DMD: variants seen among roughly 807,000 people sequenced by gnomAD.
DMD encodes dystrophin.
Under a neutral mutation model 330.1 loss-of-function variants are expected in DMD, and 63 were observed. That is an observed-to-expected ratio of 0.19 (90% CI 0.16 to 0.24). DMD has a LOEUF of 0.24. Among genes scored for constraint, DMD ranks in the 10% least tolerant of loss-of-function variants. DMD has a pLI of 1.00. For synonymous variants in DMD, 1,223 were observed against 959.8 expected, an observed-to-expected ratio of 1.27 and a Z score of -5.07; for missense variants, 3,344 against 2,684.1, an observed-to-expected ratio of 1.25 and a Z score of -5.43.
In DMD at chrX:31,443,573, G is replaced by A. The variant is rs558303352; in HGVS notation, c.9084+908C>T. Among the ~76,000 whole-genome samples the A allele has an allele frequency of 9.1e-5, 10 of 109,455 alleles. No homozygotes were observed. In the South Asian group the frequency reaches 4.1e-3, roughly 45 times the overall value. On this transcript the variant is annotated intron_variant, in intron 60 of 78. Transcript: ENST00000357033. ...TTTTTTTTTTTGATGAAAGACTGAG[G>A]CTCAGAAAGGTTAAGTAATTTGCTC...
At chrX:32,721,326 C>G (rs747032642) in intron 7 of DMD, among the ~76,000 whole-genome samples, 1 of 110,465 alleles carries the variant, frequency 9.1e-6, no homozygotes, top group Non-Finnish European at 1.9e-5. Flanking sequence ...CCGACACCAG[C>G]AGTATGTCAG....
intron 55 of DMD, among the ~76,000 whole-genome samples, chrX:31,541,939 A>G (rs774344423): frequency 1.8e-5 from 2 of 112,071 alleles, no homozygotes; most frequent in Non-Finnish European, 3.8e-5. Flanking sequence ...TTGATTACAT[A>G]TTGAAATAAT....
At chrX:32,897,986 T>C (rs977012944) in intron 2 of DMD, among the ~76,000 whole-genome samples, 9 of 111,525 alleles carry the variant, frequency 8.1e-5, no homozygotes, top group African/African-American at 2.9e-4. Flanking sequence ...TTTTTAAGAG[T>C]TTTTTCCACC....
chrX:32,537,652 G>C (rs2048110382), intron 17 of DMD, among the ~76,000 whole-genome samples: 1 of 111,671 alleles, frequency 9.0e-6, no homozygotes, highest in Admixed American at 9.5e-5. Flanking sequence ...GAGTATGAGA[G>C]GGTAAAGGAA....
chrX:31,871,257 T>C (rs746878920), intron 48 of DMD, among the ~76,000 whole-genome samples: 368 of 111,159 alleles, frequency 3.3e-3, no homozygotes, highest in Non-Finnish European at 5.9e-3. Context: ...TTCTGTGAGG[T>C]GATTTTCAAG....
chrX:32,374,255 A>G (rs2097892142), intron 34 of DMD, among the ~76,000 whole-genome samples: 2 of 111,107 alleles, frequency 1.8e-5, no homozygotes, highest in African/African-American at 6.5e-5. Context: ...TCAGGAGGTT[A>G]TCTGTTTACT....
chrX:32,253,684 C>T (rs1159554521), intron 43 of DMD, among the ~76,000 whole-genome samples: 5 of 103,996 alleles, frequency 4.8e-5, no homozygotes, highest in Admixed American at 1.1e-4. Flanking sequence ...AGTGCAGTGG[C>T]GTGATCTTGG....
chrX:31,611,474 T>C (rs1198855035), intron 55 of DMD, among the ~76,000 whole-genome samples: 1 of 111,774 alleles, frequency 8.9e-6, no homozygotes, highest in African/African-American at 3.2e-5. Context: ...AGTTTTAGAG[T>C]CTGTTAGCTG....
At position 31,774,167 on chromosome X, in the gene DMD, C is replaced by T. The variant is rs1329493987; in HGVS notation, c.7335G>A (p.Val2445=). Residue 2445 remains valine (V), a synonymous_variant, in exon 51 of 79, where the codon GTG becomes GTA. Transcript: ENST00000357033. ...TTTCCTTAGTAACCACAGGTTGTGT[C>T]ACCAGAGTAACAGTCTGAGTAGGAG... ...GASPTQTVTL[V]TQPVVTKETA... 3.3e-6 allele frequency: 4 copies of T among 1,206,629 alleles called. No homozygotes were observed. The highest frequency in any genetic ancestry group is 4.5e-6 in the Non-Finnish European group (4 of 893,196).
intron 41 of DMD, among the ~76,000 whole-genome samples, chrX:32,319,220 A>G (rs558129698): frequency 9.0e-6 from 1 of 111,456 alleles, no homozygotes; most frequent in Non-Finnish European, 1.9e-5. Context: ...TGCCACCAAG[A>G]TAAGTATCAA....
At chrX:31,718,721 AC>A (rs1213312349) in intron 52 of DMD, among the ~76,000 whole-genome samples, 10 of 111,447 alleles carry the variant, frequency 9.0e-5, no homozygotes, top group Non-Finnish European at 1.7e-4. Flanking sequence ...AACCTCCAGA[AC>A]CGTGAAAAAC....
At chrX:32,084,981 T>C (rs965238807) in intron 44 of DMD, among the ~76,000 whole-genome samples, 3 of 111,669 alleles carry the variant, frequency 2.7e-5, no homozygotes, top group Admixed American at 9.5e-5. Flanking sequence ...ACCACTGTTT[T>C]CCTTCTCTCA....
intron 43 of DMD, among the ~76,000 whole-genome samples, chrX:32,250,327 C>A (rs1226739715): frequency 9.0e-6 from 1 of 111,321 alleles, no homozygotes; most frequent in South Asian, 3.8e-4. Flanking sequence ...CACTTAATGT[C>A]GACTTTGGAA....
chrX:31,214,930 C>CTTTTTTG (rs1302015325), intron 64 of DMD, among the ~76,000 whole-genome samples: 4 of 46,136 alleles, frequency 8.7e-5, no homozygotes, highest in African/African-American at 3.3e-4. Flanking sequence ...TTTTTTATTT[C>CTTTTTTG]TTTTTTCTTT....
intron 62 of DMD, among the ~76,000 whole-genome samples, chrX:31,266,158 G>GAAAAAAAA (rs2051049417): frequency 9.0e-5 from 1 of 11,066 alleles, no homozygotes; most frequent in African/African-American, 8.9e-4. Context: ...ATCCCGAAGG[G>GAAAAAAAA]CAAAAAAAAA....
At chrX:32,949,873 C>T in intron 2 of DMD, among the ~76,000 whole-genome samples, 1 of 73,247 alleles carries the variant, frequency 1.4e-5, no homozygotes, top group East Asian at 5.6e-4. Context: ...AAGCTCAGCA[C>T]TGTATGCAAC....
intron 60 of DMD, chrX:31,435,777 G>A (rs917399419): frequency 4.5e-5 from 5 of 111,626 alleles, no homozygotes; most frequent in Non-Finnish European, 5.6e-5. Context: ...AGCTACTGGC[G>A]GAGTGTTTCA....
intron 7 of DMD, among the ~76,000 whole-genome samples, chrX:32,777,285 G>GGGGGGGTTGGGGGGGGGGA (rs2074274945): frequency 1.9e-5 from 1 of 52,735 alleles, no homozygotes; most frequent in Non-Finnish European, 3.6e-5. Flanking sequence ...GTTGGGGGGG[G>GGGGGGGTTGGGGGGGGGGA]AATCCTACCA....
At chrX:31,725,801 G>A (rs1398590493) in intron 52 of DMD, among the ~76,000 whole-genome samples, 8 of 112,157 alleles carry the variant, frequency 7.1e-5, no homozygotes, top group Non-Finnish European at 1.1e-4. Flanking sequence ...TTACAGGAAC[G>A]ACATTCACCA....
Sources: allele counts gnomAD v4.1 joint callset (sites outside exome capture counted in the v4.1 genomes callset), GRCh38; gene constraint gnomAD v4.1.1; transcripts MANE v1.5; gene names NCBI Gene and HGNC (gene_info 2026-07-23, HGNC 2026-07-21).